Variants in ZNF385D observed in about 807,000 individuals in gnomAD.
ZNF385D encodes zinc finger protein 659.
Under a neutral mutation model 35.8 loss-of-function variants are expected in ZNF385D, and 15 were observed. The observed-to-expected ratio is 0.42, with a 90% CI of 0.28 to 0.64. The LOEUF (loss-of-function observed/expected upper bound fraction) is 0.64. Ranked by LOEUF, ZNF385D falls within the 30% of genes least tolerant of loss-of-function variation. The pLI is 0.23. For synonymous variants in ZNF385D, 212 were observed against 186.8 expected (o/e 1.13, Z -1.10); for missense variants, 474 against 494.6 (o/e 0.96, Z 0.39).
At chr3:21,809,605 T>TATATATAC (rs1225183044) in intron 3 of ZNF385D, among the ~76,000 whole-genome samples, 2 of 150,418 alleles carry the variant, frequency 1.3e-5, no homozygotes, top group Non-Finnish European at 3.0e-5. Context: ...TATATACACA[T>TATATATAC]ATATATACAT....
intron 3 of ZNF385D, among the ~76,000 whole-genome samples, chr3:21,512,325 A>G (rs1707276960): frequency 6.6e-6 from 1 of 152,142 alleles, no homozygotes; most frequent in African/African-American, 2.4e-5. Context: ...TGTCCCCCAC[A>G]AAAGGATATC....
chr3:21,729,419 C>T (rs1031159492), intron 1 of ZNF385D, among the ~76,000 whole-genome samples: 15 of 151,950 alleles, frequency 9.9e-5, no homozygotes, highest in Non-Finnish European at 1.5e-4. Context: ...ATTATCTTCC[C>T]ACTCCACCGT....
At chr3:21,685,466 C>G (rs2067074118) in intron 1 of ZNF385D, among the ~76,000 whole-genome samples, 3 of 152,162 alleles carry the variant, frequency 2.0e-5, no homozygotes, top group Non-Finnish European at 2.9e-5. Flanking sequence ...CTACATCTCT[C>G]TTTTTTACAT....
chr3:22,223,512 A>C (rs1698382271), intron 2 of ZNF385D, among the ~76,000 whole-genome samples: 1 of 152,162 alleles, frequency 6.6e-6, no homozygotes, highest in African/African-American at 2.4e-5. Context: ...TGTAATAGTG[A>C]GTACATCATA....
At chr3:21,544,520 A>G (rs2062303614) in intron 3 of ZNF385D, among the ~76,000 whole-genome samples, 1 of 152,222 alleles carries the variant, frequency 6.6e-6, no homozygotes, top group Non-Finnish European at 1.5e-5. Flanking sequence ...GAGTTAGGAA[A>G]AAGCTGAAGG....
chr3:21,948,079 T>A (rs1396795077), intron 3 of ZNF385D, among the ~76,000 whole-genome samples: 3 of 152,154 alleles, frequency 2.0e-5, no homozygotes, highest in Non-Finnish European at 4.4e-5. Context: ...ATTTACTAAT[T>A]AATGTACATC....
At chr3:21,752,923 C>A (rs1451504314), upstream of ZNF385D, among the ~76,000 whole-genome samples, 5 of 152,132 alleles carry the variant, frequency 3.3e-5, no homozygotes, top group Non-Finnish European at 5.9e-5. Context: ...TTCATGAAGC[C>A]TGTAAGCTGC....
At chr3:21,814,940 A>T (rs1332961123) in intron 3 of ZNF385D, among the ~76,000 whole-genome samples, 2 of 152,024 alleles carry the variant, frequency 1.3e-5, no homozygotes, top group Non-Finnish European at 1.5e-5. Context: ...GAAGTAAAGC[A>T]CTCCTCAGCA....
intron 2 of ZNF385D, among the ~76,000 whole-genome samples, chr3:21,656,081 A>G: frequency 6.6e-6 from 1 of 151,872 alleles, no homozygotes; most frequent in East Asian, 1.9e-4. Flanking sequence ...GAACTTTCTT[A>G]CCCTTACAAC....
intron 3 of ZNF385D, among the ~76,000 whole-genome samples, chr3:21,845,068 A>C (rs1192447987): frequency 6.6e-6 from 1 of 151,980 alleles, no homozygotes; most frequent in Non-Finnish European, 1.5e-5. Context: ...GCAGGTCTTA[A>C]AGTTGCTTTG....
Position 21,896,060 on chromosome 3 carries a change from A to T in ZNF385D, c.326-231032T>A, listed in dbSNP as rs571118545. Among the ~76,000 whole-genome samples the T allele has an allele frequency of 3.9e-5, 6 of 152,298 alleles. No individual in the cohort carries two copies. In the South Asian group the frequency reaches 1.2e-3, roughly 32 times the overall value. ...GTAAAATTTTTGACTTGTGTAAGGA[A>T]TTCCTCTCTTCGACATTTGGAATTA... On this transcript the variant is annotated intron_variant, in intron 3 of 5. Transcript: ENST00000494108.
chr3:21,418,257 A>G lies in ZNF385D; in HGVS notation c.*2957T>C, dbSNP rs926724717. Reference sequence around the variant, plus strand: ...AGTCAGACCACCCTCAGGGATTTTCACAGCACACTGCTGACCAATCTAAAT... The same window carrying G: ...AGTCAGACCACCCTCAGGGATTTTCGCAGCACACTGCTGACCAATCTAAAT... On this transcript the variant is annotated 3_prime_UTR_variant, in exon 8 of 8. Coordinates refer to ENST00000281523, the MANE Select transcript of ZNF385D (RefSeq NM_024697.3). The G allele has an allele frequency of 1.3e-5, 2 of 152,176 alleles. No homozygotes were observed. The highest frequency in any genetic ancestry group is 4.8e-5 in the African/African-American group (2 of 41,452). 9.4% of individuals were successfully genotyped at this position (152,176 alleles called of 1,614,324 possible).
At chr3:21,635,548 G>GT (rs918566998) in intron 2 of ZNF385D, among the ~76,000 whole-genome samples, 1 of 111,672 alleles carries the variant, frequency 9.0e-6, no homozygotes, top group Non-Finnish European at 2.0e-5. Context: ...TGTTGTTGTT[G>GT]TTGTTTGTTT....
intron 3 of ZNF385D, among the ~76,000 whole-genome samples, chr3:22,080,945 AGAACTGTGAG>A (rs1700721005): frequency 6.6e-6 from 1 of 152,200 alleles, no homozygotes; most frequent in African/African-American, 2.4e-5. Flanking sequence ...CCCAACATGC[AGAACTGTGAG>A]GAACACATGT....
intron 3 of ZNF385D, among the ~76,000 whole-genome samples, chr3:22,108,979 T>A (rs1702370179): frequency 6.6e-6 from 1 of 152,156 alleles, no homozygotes; most frequent in Non-Finnish European, 1.5e-5. Context: ...ACCACTGCAC[T>A]CCAGCCTGGG....
At chr3:21,902,747 G>A (rs1235314270) in intron 3 of ZNF385D, among the ~76,000 whole-genome samples, 3 of 152,124 alleles carry the variant, frequency 2.0e-5, no homozygotes, top group South Asian at 2.1e-4. Context: ...GCTAGATGAC[G>A]AGTTAGTGGG....
intron 2 of ZNF385D, among the ~76,000 whole-genome samples, chr3:22,284,434 C>T (rs1701923365): frequency 1.3e-5 from 2 of 151,940 alleles, no homozygotes; most frequent in African/African-American, 2.4e-5. Flanking sequence ...TTGTGATCTG[C>T]CTGCCTCGGC....
chr3:22,260,806 A>G (rs1480686929), intron 2 of ZNF385D, among the ~76,000 whole-genome samples: 1 of 152,034 alleles, frequency 6.6e-6, no homozygotes, highest in East Asian at 1.9e-4. Flanking sequence ...TCCTGTAACT[A>G]TTTATCAAAC....
At chr3:21,594,951 G>A (rs761507810) in intron 2 of ZNF385D, among the ~76,000 whole-genome samples, 8 of 152,038 alleles carry the variant, frequency 5.3e-5, no homozygotes, top group Non-Finnish European at 8.8e-5. Context: ...ATTAAACTGC[G>A]CATTTGCTAT....
Sources: allele counts gnomAD v4.1 joint callset (sites outside exome capture counted in the v4.1 genomes callset), GRCh38; gene constraint gnomAD v4.1.1; transcripts MANE v1.5; gene names NCBI Gene and HGNC (gene_info 2026-07-23, HGNC 2026-07-21).